Variants in SMYD3 observed in about 807,000 individuals in gnomAD.
The protein encoded by SMYD3 is SET and MYND domain containing 3.
SMYD3 carries 36 observed loss-of-function variants against 57.7 expected under a neutral mutation model. The observed-to-expected ratio is 0.62, with a 90% CI of 0.48 to 0.82. The LOEUF (loss-of-function observed/expected upper bound fraction) is 0.82, where lower values mean the gene tolerates loss of function less well. Among genes scored for constraint, SMYD3 ranks in the 40% least tolerant of loss-of-function variants. SMYD3 has a pLI of 0.00. For missense variants in SMYD3, 515 were observed against 538.8 expected (o/e 0.96, Z 0.44); for synonymous variants, 211 against 195.0 (o/e 1.08, Z -0.68).
rs113370109 is a variant in SMYD3, at chr1:246,188,729, A to G, written c.531+138472T>C. 1.5e-3 allele frequency among the ~76,000 whole-genome samples: 235 copies of G among 151,952 alleles called. 1 individual carries two copies. Among genetic ancestry groups the G allele is most frequent in the African/African-American group, 5.4e-3 (222 of 41,464 alleles). On this transcript the variant is annotated intron_variant, in intron 5 of 11. Transcript: ENST00000490107. ...TAATCCCAACACTTTGGGGGGCCAA[A>G]GTGGGTGGATTGCTTGAACTCAGGA...
At position 246,005,690 on chromosome 1, in the gene SMYD3, C is replaced by A. The variant is rs574353978; in HGVS notation, c.532-75753G>T. Among the ~76,000 whole-genome samples the A allele has an allele frequency of 3.2e-4, 48 of 152,300 alleles. 1 individual carries two copies. The highest frequency in any genetic ancestry group is 2.3e-3 in the South Asian group (11 of 4,814). ...TTACAGTGATGTTATAAAAGCAAAA[C>A]ACAAGTACCTGCTTACTGCAGAATC... is the stretch of plus-strand genomic sequence containing the variant. On this transcript the variant is annotated intron_variant, in intron 5 of 11. Coordinates refer to ENST00000490107, the MANE Select transcript of SMYD3 (RefSeq NM_001167740.2).
intron 5 of SMYD3, among the ~76,000 whole-genome samples, chr1:246,067,660 C>G (rs1018949507): frequency 3.3e-5 from 5 of 152,100 alleles, no homozygotes; most frequent in Admixed American, 6.6e-5. Flanking sequence ...TCAATACCAG[C>G]AGTAAGGGCG....
intron 8 of SMYD3, among the ~76,000 whole-genome samples, chr1:245,902,477 CA>C (rs1386419470): frequency 1.3e-5 from 2 of 152,316 alleles, no homozygotes; most frequent in Non-Finnish European, 2.9e-5. Flanking sequence ...CTGCACATGG[CA>C]TCAAGGAAAT....
At chr1:246,024,222 T>C (rs567425198) in intron 5 of SMYD3, among the ~76,000 whole-genome samples, 1 of 152,342 alleles carries the variant, frequency 6.6e-6, no homozygotes, top group African/African-American at 2.4e-5. Context: ...ACTATATAGC[T>C]TACATTTTAT....
At chr1:245,944,298 G>A (rs2057361649) in intron 5 of SMYD3, among the ~76,000 whole-genome samples, 1 of 151,496 alleles carries the variant, frequency 6.6e-6, no homozygotes, top group East Asian at 1.9e-4. Context: ...AAACTCTCGG[G>A]ATTAAAAAAA....
At chr1:245,917,749 T>C (rs1464159249) in intron 7 of SMYD3, among the ~76,000 whole-genome samples, 12 of 152,318 alleles carry the variant, frequency 7.9e-5, no homozygotes, top group African/African-American at 1.7e-4. Flanking sequence ...AGAAATTACT[T>C]CTTTGCTTTT....
In SMYD3 at chr1:246,367,962, C is replaced by T. The variant is rs75922606; in HGVS notation, c.165-12868G>A. Among the ~76,000 whole-genome samples, 25 of 152,228 alleles carry T rather than the reference C, an allele frequency of 1.6e-4. No homozygotes were observed. The East Asian group carries it at 2.3e-3, about 14-fold the overall frequency. On this transcript the variant is annotated intron_variant, in intron 1 of 11. Transcript: ENST00000490107. ...TTCATACAAACCTGACTCTAGAGAA[C>T]GGAGTGTCATATCAAAGAAAATTCT...
At chr1:245,761,918 T>C (rs1276938833) in intron 11 of SMYD3, among the ~76,000 whole-genome samples, 1 of 151,362 alleles carries the variant, frequency 6.6e-6, no homozygotes, top group East Asian at 2.0e-4. Context: ...CCTGAGCAGC[T>C]AGGATTTCAG....
At chr1:246,104,834 C>T (rs545007780) in intron 5 of SMYD3, among the ~76,000 whole-genome samples, 23 of 152,106 alleles carry the variant, frequency 1.5e-4, no homozygotes, top group Admixed American at 2.6e-4. Flanking sequence ...CCTTGCGTTC[C>T]CCCTCCTGCT....
At chr1:246,327,110 G>A (rs2065366387) in intron 5 of SMYD3, 91 bp downstream of exon 5, 10 of 1,502,468 alleles carry the variant, frequency 6.7e-6, no homozygotes, top group South Asian at 1.1e-5. Flanking sequence ...TGAATTTCCT[G>A]TCAAGATTCT....
chr1:246,159,921 G>A (rs993725446), intron 5 of SMYD3, among the ~76,000 whole-genome samples: 4 of 152,100 alleles, frequency 2.6e-5, no homozygotes, highest in African/African-American at 9.7e-5. Flanking sequence ...TCCTGCCTCA[G>A]CCTCCTGAGG....
intron 10 of SMYD3, among the ~76,000 whole-genome samples, chr1:245,787,797 G>A (rs2148169445): frequency 6.6e-6 from 1 of 152,264 alleles, no homozygotes; most frequent in Admixed American, 6.5e-5. Flanking sequence ...CCGTGGGAAG[G>A]AAAAGGATTT....
intron 10 of SMYD3, among the ~76,000 whole-genome samples, chr1:245,848,277 C>CTGTG (rs3086296): frequency 0.011 from 1,703 of 150,234 alleles, 21 homozygotes; most frequent in East Asian, 0.039. Context: ...TTATTTTTTT[C>CTGTG]TGTGTGTGTG....
At chr1:246,147,614 A>G (rs1026372769) in intron 5 of SMYD3, among the ~76,000 whole-genome samples, 5 of 151,532 alleles carry the variant, frequency 3.3e-5, no homozygotes, top group Non-Finnish European at 1.5e-5. Context: ...TTCCTGCTCT[A>G]TGGAGCAGGC....
intron 10 of SMYD3, among the ~76,000 whole-genome samples, chr1:245,806,909 T>C (rs1381770103): frequency 1.2e-5 from 1 of 83,630 alleles, no homozygotes; most frequent in African/African-American, 5.7e-5. Flanking sequence ...AGAGCGAGAC[T>C]CCGTCTCAAA....
Position 246,311,828 on chromosome 1 carries a change from A to G in SMYD3, c.531+15373T>C, listed in dbSNP as rs2065085361. Among the ~76,000 whole-genome samples the G allele has an allele frequency of 4.6e-5, 7 of 152,224 alleles. No individual in the cohort carries two copies. In the South Asian group the frequency reaches 1.4e-3, roughly 32 times the overall value. On this transcript the variant is annotated intron_variant, in intron 5 of 11. Transcript: ENST00000490107. ...CTAGAAAAATACCCTACAGACATCT[A>G]TATCTAGAGAAATACCCTATGGACA...
intron 5 of SMYD3, among the ~76,000 whole-genome samples, chr1:246,114,254 C>G (rs1245675123): frequency 6.6e-6 from 1 of 152,128 alleles, no homozygotes; most frequent in Non-Finnish European, 1.5e-5. Flanking sequence ...TTTCATGATA[C>G]TGAACAAAGG....
At chr1:246,036,539 C>CTTTTTTTTTT (rs59062672) in intron 5 of SMYD3, among the ~76,000 whole-genome samples, 23 of 144,952 alleles carry the variant, frequency 1.6e-4, no homozygotes, top group African/African-American at 3.3e-4. Context: ...TTCTTTCTCT[C>CTTTTTTTTTT]TTTTTTTTTT....
At chr1:245,966,404 A>G (rs908846986) in intron 5 of SMYD3, among the ~76,000 whole-genome samples, 3 of 152,202 alleles carry the variant, frequency 2.0e-5, no homozygotes, top group African/African-American at 4.8e-5. Flanking sequence ...CCTGGCCTCA[A>G]GAACTCCTCC....
Sources: gnomAD v4.1 joint callset for allele counts (sites outside exome capture counted in the v4.1 genomes callset) on GRCh38, gnomAD v4.1.1 for gene constraint, MANE v1.5 for transcripts, NCBI Gene and HGNC (gene_info 2026-07-23, HGNC 2026-07-21) for gene names.